Variants in NAV3 observed in about 807,000 individuals in gnomAD.
The protein encoded by NAV3 is pore membrane and/or filament interacting like protein 1.
In NAV3, 87 loss-of-function variants were observed where a neutral mutation model predicts 244.7. The observed-to-expected ratio is 0.36, with a 90% CI of 0.30 to 0.42. The LOEUF (loss-of-function observed/expected upper bound fraction) is 0.42. Among genes scored for constraint, NAV3 ranks in the 20% least tolerant of loss-of-function variants. The pLI is 1.00. For synonymous variants in NAV3, 1,126 were observed against 1,042.2 expected, an observed-to-expected ratio of 1.08 and a Z score of -1.55; for missense variants, 2,663 against 2,893.3, an observed-to-expected ratio of 0.92 and a Z score of 1.83.
At chr12:77,949,008 A>G (rs1012450358) in intron 3 of NAV3, among the ~76,000 whole-genome samples, 3 of 151,976 alleles carry the variant, frequency 2.0e-5, no homozygotes, top group South Asian at 4.1e-4. Context: ...TGCTTCATGA[A>G]ATTATATTTA....
chr12:77,894,617 C>T (rs192629971), intron 1 of NAV3, among the ~76,000 whole-genome samples: 107 of 152,226 alleles, frequency 7.0e-4, no homozygotes, highest in Middle Eastern at 3.4e-3. Flanking sequence ...CAGTAGCTAC[C>T]ACAGAAGTTG....
At chr12:77,921,239 G>C (rs1209294998) in intron 1 of NAV3, among the ~76,000 whole-genome samples, 1 of 152,028 alleles carries the variant, frequency 6.6e-6, no homozygotes, top group African/African-American at 2.4e-5. Context: ...TTCTAAAAAT[G>C]TTAATATTTA....
At chr12:77,636,464 C>CAAAA (rs372405959) in intron 2 of NAV3, among the ~76,000 whole-genome samples, 2 of 76,718 alleles carry the variant, frequency 2.6e-5, no homozygotes, top group African/African-American at 3.9e-5. Flanking sequence ...GACACCGTCT[C>CAAAA]AAAAAAAAAA....
intron 2 of NAV3, among the ~76,000 whole-genome samples, chr12:77,661,617 T>C (rs1873452939): frequency 6.6e-6 from 1 of 152,116 alleles, no homozygotes; most frequent in South Asian, 2.1e-4. Flanking sequence ...AAGAAATCTT[T>C]GCTTAATGCC....
At chr12:77,730,562 A>T (rs1315780471) in intron 2 of NAV3, among the ~76,000 whole-genome samples, 1 of 151,890 alleles carries the variant, frequency 6.6e-6, no homozygotes, top group Non-Finnish European at 1.5e-5. Flanking sequence ...GAGCATTGTT[A>T]TGTGTCTTGC....
chr12:78,141,703 T>A (rs1272481465), intron 20 of NAV3, among the ~76,000 whole-genome samples: 1 of 152,208 alleles, frequency 6.6e-6, no homozygotes, highest in African/African-American at 2.4e-5. Flanking sequence ...AAATCACGAT[T>A]AGTTTTTAGG....
At chr12:77,747,286 T>C (rs1484878267) in intron 2 of NAV3, among the ~76,000 whole-genome samples, 6 of 152,206 alleles carry the variant, frequency 3.9e-5, no homozygotes, top group Non-Finnish European at 8.8e-5. Flanking sequence ...TGGGGTTGTT[T>C]GTTTTTCACT....
At chr12:78,193,076 C>T (rs1053584690) in intron 34 of NAV3, among the ~76,000 whole-genome samples, 5 of 152,126 alleles carry the variant, frequency 3.3e-5, no homozygotes, top group South Asian at 2.1e-4. Flanking sequence ...TAAATGCTGA[C>T]GCATTTTATG....
intron 2 of NAV3, among the ~76,000 whole-genome samples, chr12:77,574,384 A>C (rs1868980961): frequency 1.3e-5 from 2 of 152,178 alleles, no homozygotes; most frequent in African/African-American, 4.8e-5. Context: ...AGTCACAGTG[A>C]GTTTAAATTA....
At chr12:77,980,308 G>T (rs905392152) in intron 5 of NAV3, among the ~76,000 whole-genome samples, 3 of 152,086 alleles carry the variant, frequency 2.0e-5, no homozygotes, top group African/African-American at 7.2e-5. Flanking sequence ...GATTATGATT[G>T]TATTGATGAT....
At chr12:77,638,866 C>G (rs1392080257) in intron 2 of NAV3, among the ~76,000 whole-genome samples, 1 of 152,114 alleles carries the variant, frequency 6.6e-6, no homozygotes, top group African/African-American at 2.4e-5. Flanking sequence ...CTTAAATGTG[C>G]TTTCTAATGC....
intron 8 of NAV3, among the ~76,000 whole-genome samples, chr12:78,015,373 C>A (rs897826027): frequency 6.6e-5 from 10 of 152,046 alleles, no homozygotes; most frequent in Non-Finnish European, 1.5e-4. Flanking sequence ...CAATCTGGAA[C>A]AACTGTTTAG....
At chr12:77,581,549 A>G (rs531157651) in intron 2 of NAV3, among the ~76,000 whole-genome samples, 10 of 152,300 alleles carry the variant, frequency 6.6e-5, no homozygotes, top group African/African-American at 2.4e-4. Flanking sequence ...TTTAGTGCAC[A>G]GTAGGTATAG....
intron 12 of NAV3, among the ~76,000 whole-genome samples, chr12:78,079,694 T>C (rs1953248446): frequency 2.0e-5 from 3 of 152,352 alleles, no homozygotes; most frequent in Middle Eastern, 3.4e-3. Context: ...GAGGCTTTTT[T>C]ATTTAGAGAA....
intron 5 of NAV3, among the ~76,000 whole-genome samples, chr12:77,977,630 T>A (rs943869236): frequency 6.6e-6 from 1 of 151,900 alleles, no homozygotes; most frequent in Non-Finnish European, 1.5e-5. Flanking sequence ...ATGCTTTTAG[T>A]ATAGGTTGAT....
At chr12:77,626,194 G>A (rs1871612686) in intron 2 of NAV3, among the ~76,000 whole-genome samples, 1 of 151,348 alleles carries the variant, frequency 6.6e-6, no homozygotes, top group African/African-American at 2.4e-5. Context: ...AGATTAAGTA[G>A]AAGAGAAAAA....
intron 9 of NAV3, chr12:78,037,121 C>T: frequency 1.4e-6 from 1 of 703,014 alleles, no homozygotes; most frequent in African/African-American, 1.7e-5. Context: ...GCAGCTCAGC[C>T]TGGAACCTCC....
chr12:77,661,336 T>A (rs931835419), intron 2 of NAV3, among the ~76,000 whole-genome samples: 1 of 152,108 alleles, frequency 6.6e-6, no homozygotes, highest in African/African-American at 2.4e-5. Context: ...ACTAATGATG[T>A]TGAAAATGTT....
chr12:77,966,435 A>G (rs980540672), intron 4 of NAV3, 134 bp downstream of exon 4: 1 of 685,992 alleles, frequency 1.5e-6, no homozygotes, highest in Non-Finnish European at 2.4e-6. Flanking sequence ...TCTTCAAGAC[A>G]ACCGAAACAT....
Sources: gnomAD v4.1 joint callset for allele counts (sites outside exome capture counted in the v4.1 genomes callset) on GRCh38, gnomAD v4.1.1 for gene constraint, MANE v1.5 for transcripts, NCBI Gene and HGNC (gene_info 2026-07-23, HGNC 2026-07-21) for gene names.